Variants in USH2A observed in about 807,000 individuals in gnomAD.
USH2A encodes usherin.
USH2A carries 443 observed loss-of-function variants against 538.9 expected under a neutral mutation model. The observed-to-expected ratio is 0.82, with a 90% CI of 0.76 to 0.89. The LOEUF (loss-of-function observed/expected upper bound fraction) is 0.89, where lower values mean the gene tolerates loss of function less well. Ranked by LOEUF, USH2A falls within the 40% of genes least tolerant of loss-of-function variation. The probability of loss-of-function intolerance (pLI) is 0.00; values close to 1 mark genes in which losing one functional copy is unlikely to be tolerated. For missense variants in USH2A, 6,633 were observed against 6,324.8 expected (o/e 1.05, Z -1.65); for synonymous variants, 2,413 against 2,273.5 (o/e 1.06, Z -1.75).
In USH2A at chr1:215,628,844, C is replaced by A. The variant is rs747284720; in HGVS notation, c.15489G>T (p.Trp5163Cys). 2 of 1,614,094 alleles carry A rather than the reference C, an allele frequency of 1.2e-6. No homozygotes were observed. Among genetic ancestry groups the A allele is most frequent in the Non-Finnish European group, 1.7e-6 (2 of 1,180,018 alleles). ...DKKVLMDNSL[W>C]EAIMGHNSGL... ...CACTGTTGTGGCCCATGATGGCTTC[C>A]CACAGTGAGTTGTCCATCAAGACTT... The change falls in exon 71 of 72, where the codon TGG (tryptophan) becomes TGT (cysteine). Residue 5163 changes from tryptophan to cysteine, a missense_variant. By Grantham distance (215) the Trp-to-Cys change is radical. Transcript: ENST00000307340.
chr1:215,835,891 A>G (rs777856552), intron 47 of USH2A, among the ~76,000 whole-genome samples: 1 of 151,826 alleles, frequency 6.6e-6, no homozygotes, highest in Non-Finnish European at 1.5e-5. Context: ...CTCCTCTCTC[A>G]CTTTCCTTGT....
At chr1:216,240,088 C>T (rs915062261) in intron 13 of USH2A, among the ~76,000 whole-genome samples, 3 of 150,062 alleles carry the variant, frequency 2.0e-5, no homozygotes, top group Non-Finnish European at 4.4e-5. Context: ...AAAAGCTAAG[C>T]TCTTGCAGTG....
chr1:216,071,983 T>C (rs2031572135), intron 29 of USH2A, among the ~76,000 whole-genome samples: 1 of 152,178 alleles, frequency 6.6e-6, no homozygotes, highest in Admixed American at 6.6e-5. Context: ...GTTGCTCATC[T>C]CAGTATTTAA....
At position 215,780,043 on chromosome 1, in the gene USH2A, T is replaced by C; in HGVS notation, c.10741-2A>G. On this transcript the variant is annotated splice_acceptor_variant, in intron 54 of 71. Transcript: ENST00000307340. LOFTEE classifies it high-confidence loss of function. ...TCCTTGGGTAGTAGCTGCAACTACC[T>C]GAAGACGTAGGAATTAAGCAGCAAT... The C allele has an allele frequency of 6.2e-7, 1 of 1,614,004 alleles. No individual in the cohort carries two copies.
chr1:215,864,149 G>A (rs1187066963), intron 44 of USH2A, among the ~76,000 whole-genome samples: 5 of 152,130 alleles, frequency 3.3e-5, no homozygotes, highest in African/African-American at 1.2e-4. Flanking sequence ...GTCAAGATGA[G>A]AAGGATCCTT....
chr1:216,086,756 C>T lies in USH2A; in HGVS notation c.4950G>A (p.Gly1650=). The T allele has an allele frequency of 6.2e-7, 1 of 1,612,892 alleles. No homozygotes were observed. The highest frequency in any genetic ancestry group is 8.5e-7 in the Non-Finnish European group (1 of 1,179,294). Residue 1650 remains glycine, a synonymous_variant, in exon 24 of 72, where the codon GGG becomes GGA. Coordinates refer to ENST00000307340, the MANE Select transcript of USH2A (RefSeq NM_206933.4). ...IGDNTGVFLG[G]LPRSYTILRK... ...TGAGGATGGTATAACTTCGCGGGAGCCCTCCCAGAAAGACTCCTGTGTTAT... is the reference window on the plus strand; with the variant it reads ...TGAGGATGGTATAACTTCGCGGGAGTCCTCCCAGAAAGACTCCTGTGTTAT...
intron 38 of USH2A, among the ~76,000 whole-genome samples, chr1:215,917,252 CT>C (rs1282638270): frequency 6.6e-6 from 1 of 151,992 alleles, no homozygotes; most frequent in Non-Finnish European, 1.5e-5. Flanking sequence ...TTGAATTCGT[CT>C]TAGTATTCCT....
chr1:215,823,718 T>C (rs1663076814), intron 47 of USH2A, among the ~76,000 whole-genome samples: 1 of 152,058 alleles, frequency 6.6e-6, no homozygotes, highest in Non-Finnish European at 1.5e-5. Context: ...TTGTAGGTGA[T>C]CTTCACTTGT....
chr1:215,671,257 T>C lies in USH2A; in HGVS notation c.13848A>G (p.Gly4616=). The C allele has an allele frequency of 6.2e-7, 1 of 1,614,050 alleles. No homozygotes were observed. The highest frequency in any genetic ancestry group is 8.5e-7 in the Non-Finnish European group (1 of 1,179,998). ...TGAATGTCCAGTCACTTGATGCACA[T>C]CCCAGGGTGGTGCACGCTTGAATTC... ...EIRIQACTTL[G]CASSDWTFIQ... is the part of the protein sequence containing the mutation. The change falls in exon 64 of 72, where the codon GGA becomes GGG. Residue 4616 remains glycine, a synonymous_variant. Coordinates refer to ENST00000307340, the MANE Select transcript of USH2A (RefSeq NM_206933.4).
intron 37 of USH2A, among the ~76,000 whole-genome samples, chr1:215,948,331 A>T (rs1041286597): frequency 6.6e-6 from 1 of 151,732 alleles, no homozygotes; most frequent in African/African-American, 2.4e-5. Context: ...ATCAGCAACC[A>T]TAAAGAGAAA....
At position 215,916,921 on chromosome 1, in the gene USH2A, A is replaced by G. The variant is rs184204576; in HGVS notation, c.7301-16016T>C. On this transcript the variant is annotated intron_variant, in intron 38 of 71. Transcript: ENST00000307340. ...TAAAATTGCTCTGCAAGACAATTTC[A>G]GTGAATTTGTTAACCAAGAAACATC... Among the ~76,000 whole-genome samples, 465 of 152,260 alleles carry G rather than the reference A, an allele frequency of 3.1e-3. 12 individuals carry two copies. The highest frequency in any genetic ancestry group is 0.029 in the Admixed American group (442 of 15,264).
chr1:216,186,543 T>G (rs1163180554), intron 20 of USH2A, among the ~76,000 whole-genome samples: 1 of 151,968 alleles, frequency 6.6e-6, no homozygotes, highest in African/African-American at 2.4e-5. Flanking sequence ...GAATATTCAC[T>G]AAGGTGTTTT....
chr1:215,767,381 C>T (rs1398787639), intron 55 of USH2A, among the ~76,000 whole-genome samples: 2 of 152,152 alleles, frequency 1.3e-5, no homozygotes, highest in African/African-American at 4.8e-5. Context: ...AAGGTTAGAT[C>T]CAACATTTTC....
intron 3 of USH2A, among the ~76,000 whole-genome samples, chr1:216,377,866 A>AGAAAGAAG (rs1449698887): frequency 3.5e-5 from 5 of 141,888 alleles, no homozygotes; most frequent in African/African-American, 1.1e-4. Flanking sequence ...AAAGAAAGAA[A>AGAAAGAAG]GAAGGAAAGA....
chr1:216,175,213 T>G, intron 21 of USH2A, 39 bp downstream of exon 21: 1 of 1,612,582 alleles, frequency 6.2e-7, no homozygotes, highest in South Asian at 1.1e-5. Flanking sequence ...ATTTTGGAGC[T>G]TCGTGTCTCC....
intron 24 of USH2A, among the ~76,000 whole-genome samples, chr1:216,085,929 C>T (rs2032116173): frequency 6.6e-6 from 1 of 151,988 alleles, no homozygotes; most frequent in Admixed American, 6.6e-5. Context: ...AGACTGCAAC[C>T]CATGAACAAA....
intron 37 of USH2A, among the ~76,000 whole-genome samples, chr1:215,958,211 T>G (rs1667116586): frequency 2.6e-5 from 4 of 152,124 alleles, no homozygotes; most frequent in African/African-American, 9.7e-5. Context: ...CCAGAGTGTG[T>G]GAAAAGGACA....
chr1:215,878,133 A>G (rs1664822203), intron 42 of USH2A, among the ~76,000 whole-genome samples: 1 of 152,156 alleles, frequency 6.6e-6, no homozygotes, highest in African/African-American at 2.4e-5. Context: ...ATAGCATTTT[A>G]GATTTCTTCT....
At chr1:216,012,911 G>T (rs558854183) in intron 32 of USH2A, among the ~76,000 whole-genome samples, 1,714 of 152,124 alleles carry the variant, frequency 0.011, 30 homozygotes, top group African/African-American at 0.039. Flanking sequence ...ACTATCTTCT[G>T]TCTAGTCATA....
Sources: gnomAD v4.1 joint callset for allele counts (sites outside exome capture counted in the v4.1 genomes callset) on GRCh38, gnomAD v4.1.1 for gene constraint, MANE v1.5 for transcripts, NCBI Gene and HGNC (gene_info 2026-07-23, HGNC 2026-07-21) for gene names.